The following TMCC1 variants were observed in gnomAD, a reference collection of about 807,000 sequenced individuals.
TMCC1 encodes the protein transmembrane and coiled-coil domain family 1.
Under a neutral mutation model 52.4 loss-of-function variants are expected in TMCC1, and 15 were observed. The ratio of observed to expected loss-of-function variants is 0.29; its 90% CI spans 0.19 to 0.44. The LOEUF is 0.44. TMCC1 is among the 20% of genes least tolerant of loss of function. The probability of loss-of-function intolerance (pLI) is 1.00; values close to 1 mark genes in which losing one functional copy is unlikely to be tolerated. For synonymous variants in TMCC1, 279 were observed against 301.9 expected (o/e 0.92, Z 0.79); for missense variants, 503 against 806.0 (o/e 0.62, Z 4.55).
intron 4 of TMCC1, among the ~76,000 whole-genome samples, chr3:129,742,789 T>C (rs1370728276): frequency 6.6e-6 from 1 of 152,158 alleles, no homozygotes; most frequent in Non-Finnish European, 1.5e-5. Flanking sequence ...ATGGATAAAA[T>C]GTGACATATC....
intron 4 of TMCC1, among the ~76,000 whole-genome samples, chr3:129,779,616 T>C (rs1282628295): frequency 1.3e-5 from 2 of 152,214 alleles, no homozygotes; most frequent in Non-Finnish European, 2.9e-5. Context: ...ATTTACCTCT[T>C]TGAATTCTTT....
chr3:129,822,116 T>C (rs1026969007), intron 4 of TMCC1, among the ~76,000 whole-genome samples: 3 of 152,166 alleles, frequency 2.0e-5, no homozygotes, highest in Non-Finnish European at 4.4e-5. Flanking sequence ...TTTTAGGCAT[T>C]GTAAATAACT....
At chr3:129,743,911 T>C (rs991181482) in intron 4 of TMCC1, among the ~76,000 whole-genome samples, 1 of 151,616 alleles carries the variant, frequency 6.6e-6, no homozygotes, top group Non-Finnish European at 1.5e-5. Flanking sequence ...TTCTGGTAGG[T>C]GTCATTTGCC....
chr3:129,728,219 A>G (rs2050256740), intron 4 of TMCC1, among the ~76,000 whole-genome samples: 1 of 152,210 alleles, frequency 6.6e-6, no homozygotes, highest in South Asian at 2.1e-4. Context: ...CTTGATACAA[A>G]CCAGAAGTGC....
intron 4 of TMCC1, among the ~76,000 whole-genome samples, chr3:129,778,994 G>T (rs1285216520): frequency 6.7e-6 from 1 of 150,334 alleles, no homozygotes; most frequent in Non-Finnish European, 1.5e-5. Context: ...TTTGTAGTTT[G>T]TTTTTTTTTG....
intron 4 of TMCC1, among the ~76,000 whole-genome samples, chr3:129,735,226 A>G (rs2050858183): frequency 6.6e-6 from 1 of 152,184 alleles, no homozygotes; most frequent in Non-Finnish European, 1.5e-5. Context: ...TTATAACACA[A>G]AAATCAGAAA....
intron 4 of TMCC1, among the ~76,000 whole-genome samples, chr3:129,780,611 A>G (rs932171394): frequency 9.9e-5 from 15 of 152,024 alleles, no homozygotes; most frequent in African/African-American, 2.9e-4. Context: ...AATCCAACAA[A>G]TCACTCCTCA....
chr3:129,806,977 G>A (rs2057502724), intron 4 of TMCC1, among the ~76,000 whole-genome samples: 1 of 152,120 alleles, frequency 6.6e-6, no homozygotes, highest in African/African-American at 2.4e-5. Context: ...ATATATATAG[G>A]TGGAGGAGGA....
chr3:129,839,434 G>T (rs971761132), intron 2 of TMCC1, among the ~76,000 whole-genome samples: 1 of 151,674 alleles, frequency 6.6e-6, no homozygotes, highest in Non-Finnish European at 1.5e-5. Flanking sequence ...AAAGTAAAAT[G>T]GAATTAAAAA....
chr3:129,699,825 G>T (rs1182351700), intron 4 of TMCC1, among the ~76,000 whole-genome samples: 2 of 152,090 alleles, frequency 1.3e-5, no homozygotes, highest in African/African-American at 4.8e-5. Context: ...TCAGCTACTT[G>T]GGGAGGCTTA....
chr3:129,653,046 C>T (rs948150320), intron 6 of TMCC1, among the ~76,000 whole-genome samples: 20 of 152,286 alleles, frequency 1.3e-4, no homozygotes, highest in Admixed American at 1.0e-3. Context: ...AATAGTATCA[C>T]ACTATAGGAA....
chr3:129,694,667 C>CAGT (rs1207945434), intron 4 of TMCC1, among the ~76,000 whole-genome samples: 1 of 152,166 alleles, frequency 6.6e-6, no homozygotes, highest in Non-Finnish European at 1.5e-5. Flanking sequence ...AGCTCCAAGG[C>CAGT]AGTGTACAAA....
At chr3:129,866,378 GTTTT>G (rs1160648900) in intron 2 of TMCC1, among the ~76,000 whole-genome samples, 1 of 108,038 alleles carries the variant, frequency 9.3e-6, no homozygotes, top group Non-Finnish European at 1.9e-5. Flanking sequence ...ATATATATAT[GTTTT>G]TTTTTTTTTT....
At chr3:129,781,721 A>AAAGG (rs761167297) in intron 4 of TMCC1, among the ~76,000 whole-genome samples, 1 of 152,162 alleles carries the variant, frequency 6.6e-6, no homozygotes, top group Non-Finnish European at 1.5e-5. Flanking sequence ...AGTGAGTGAG[A>AAAGG]AAGGAAGGCA....
intron 4 of TMCC1, among the ~76,000 whole-genome samples, chr3:129,726,812 T>C (rs1022193771): frequency 7.8e-6 from 1 of 128,988 alleles, no homozygotes. Context: ...GAGGTTGCAG[T>C]GAGCTGAGAT....
chr3:129,716,346 T>A (rs1241650585), intron 4 of TMCC1, among the ~76,000 whole-genome samples: 1 of 142,106 alleles, frequency 7.0e-6, no homozygotes, highest in Non-Finnish European at 1.5e-5. Flanking sequence ...TTTTTTTTTT[T>A]TTTTTTGAGT....
At chr3:129,840,074 T>C (rs1216215286) in intron 2 of TMCC1, among the ~76,000 whole-genome samples, 1 of 148,288 alleles carries the variant, frequency 6.7e-6, no homozygotes, top group African/African-American at 2.5e-5. Context: ...ACACCTGTAA[T>C]CCCAGCACTT....
At chr3:129,720,646 CA>C (rs2049502453) in intron 4 of TMCC1, among the ~76,000 whole-genome samples, 1 of 152,096 alleles carries the variant, frequency 6.6e-6, no homozygotes, top group African/African-American at 2.4e-5. Flanking sequence ...GAGCCCAGCC[CA>C]AATGGCTGAC....
At chr3:129,711,063 C>T (rs2048644828) in intron 4 of TMCC1, among the ~76,000 whole-genome samples, 4 of 152,042 alleles carry the variant, frequency 2.6e-5, no homozygotes, top group Admixed American at 1.3e-4. Flanking sequence ...AACGTTTTAC[C>T]ATGTTGGCCA....
Sources: allele counts gnomAD v4.1 joint callset (sites outside exome capture counted in the v4.1 genomes callset), GRCh38; gene constraint gnomAD v4.1.1; transcripts MANE v1.5; gene names NCBI Gene and HGNC (gene_info 2026-07-23, HGNC 2026-07-21).